The following CAMK4 variants were observed in gnomAD, a reference collection of about 807,000 sequenced individuals.
The protein encoded by CAMK4 is calcium/calmodulin-dependent protein kinase type IV.
Under a neutral mutation model 44.9 loss-of-function variants are expected in CAMK4, and 22 were observed. That is an observed-to-expected ratio of 0.49 (90% CI 0.35 to 0.70). The LOEUF is 0.70. Among genes scored for constraint, CAMK4 ranks in the 30% least tolerant of loss-of-function variants. The probability of loss-of-function intolerance (pLI) is 0.01; values close to 1 mark genes in which losing one functional copy is unlikely to be tolerated. For missense variants in CAMK4, 498 were observed against 586.8 expected (o/e 0.85, Z 1.56); for synonymous variants, 218 against 215.4 (o/e 1.01, Z -0.11).
At chr5:111,448,380 T>TC (rs1351010931) in intron 6 of CAMK4, among the ~76,000 whole-genome samples, 1 of 152,246 alleles carries the variant, frequency 6.6e-6, no homozygotes, top group Non-Finnish European at 1.5e-5. Flanking sequence ...CTATTTTTTT[T>TC]CTCCTCTCTG....
intron 1 of CAMK4, among the ~76,000 whole-genome samples, chr5:111,312,686 G>A (rs1748259002): frequency 6.6e-6 from 1 of 152,088 alleles, no homozygotes; most frequent in Admixed American, 6.6e-5. Context: ...TTTAGGTTGT[G>A]CCTTCTAAGT....
Position 111,276,001 on chromosome 5 carries a change from A to T in CAMK4, c.161+51357A>T, listed in dbSNP as rs567122569. On this transcript the variant is annotated intron_variant, in intron 1 of 10. Transcript: ENST00000282356. ...ATATATAGTCCCACCATCTTCTTGT[A>T]TCAAATATTATTGACAATTCAGTTT... 1.5e-4 allele frequency among the ~76,000 whole-genome samples: 23 copies of T among 152,296 alleles called. 1 individual carries two copies. The South Asian group carries it at 4.6e-3, about 30-fold the overall frequency.
intron 1 of CAMK4, among the ~76,000 whole-genome samples, chr5:111,226,735 C>T (rs529457316): frequency 1.2e-4 from 18 of 152,322 alleles, no homozygotes; most frequent in Admixed American, 5.9e-4. Flanking sequence ...GGTTGTTTAC[C>T]CTCCTGTGGT....
chr5:111,451,731 A>T (rs116803029), intron 7 of CAMK4, among the ~76,000 whole-genome samples: 1 of 152,082 alleles, frequency 6.6e-6, no homozygotes, highest in East Asian at 1.9e-4. Context: ...TGGTGAAAAA[A>T]AAAACAACAA....
intron 1 of CAMK4, among the ~76,000 whole-genome samples, chr5:111,336,219 AAATAT>A (rs1749395652): frequency 1.3e-5 from 2 of 151,226 alleles, no homozygotes; most frequent in African/African-American, 4.8e-5. Context: ...ATGACTCCAT[AAATAT>A]AATATCCTCT....
chr5:111,446,087 G>A (rs1754018436), intron 5 of CAMK4, among the ~76,000 whole-genome samples: 2 of 152,148 alleles, frequency 1.3e-5, no homozygotes. Context: ...TGATCTTTGA[G>A]ATTCATCTCA....
At position 111,449,135 on chromosome 5, in the gene CAMK4, T is replaced by C; in HGVS notation, c.557T>C (p.Phe186Ser). ...TTTTTTCTTGTGTTATTAGCTGATT[T>C]TGGACTCTCTAAAATTGTGGAACAT... Reference protein sequence around the residue: ...APDAPLKIADFGLSKIVEHQV... With the variant: ...APDAPLKIADSGLSKIVEHQV... The change falls in exon 7 of 11, where the codon TTT becomes TCT. Residue 186 changes from phenylalanine to serine, a missense_variant. Around this residue, in one of 3 missense-constraint regions of CAMK4, gnomAD observed 203 missense variants for 298.2 expected, o/e 0.68. Transcript: ENST00000282356. 1 of 1,531,110 alleles carries C rather than the reference T, an allele frequency of 6.5e-7. No individual in the cohort carries two copies. The highest frequency in any genetic ancestry group is 9.0e-7 in the Non-Finnish European group (1 of 1,108,036). The allele number at this position is 1,531,110 out of a possible 1,614,324, so 94.8% of individuals were successfully genotyped here.
At chr5:111,401,361 T>C (rs306094) in intron 5 of CAMK4, among the ~76,000 whole-genome samples, 1 of 151,922 alleles carries the variant, frequency 6.6e-6, no homozygotes, top group Non-Finnish European at 1.5e-5. Context: ...CTGTCAGTAC[T>C]GCATTTCTTC....
intron 3 of CAMK4, among the ~76,000 whole-genome samples, chr5:111,375,945 T>C (rs1751197759): frequency 6.6e-6 from 1 of 152,078 alleles, no homozygotes; most frequent in East Asian, 1.9e-4. Context: ...TCTCAGAAAC[T>C]ATGGCAGTGG....
Position 111,364,529 on chromosome 5 carries a change from T to G in CAMK4, c.241-10321T>G, listed in dbSNP as rs1455721420. ...AGCACATAGGTTTGTATTTAGAATC[T>G]AAGAATGAAGGGAGAGAGGTAACTC... On this transcript the variant is annotated intron_variant, in intron 2 of 10. Transcript: ENST00000282356. Among the ~76,000 whole-genome samples the G allele has an allele frequency of 8.5e-5, 13 of 152,232 alleles. No individual in the cohort carries two copies. In the East Asian group the frequency reaches 2.3e-3, roughly 27 times the overall value.
At chr5:111,428,222 A>G (rs1753302255) in intron 5 of CAMK4, among the ~76,000 whole-genome samples, 1 of 152,242 alleles carries the variant, frequency 6.6e-6, no homozygotes, top group Non-Finnish European at 1.5e-5. Context: ...TCACTACACC[A>G]CGTCCTTTCA....
At chr5:111,467,625 G>A (rs576132342) in intron 7 of CAMK4, among the ~76,000 whole-genome samples, 3 of 152,152 alleles carry the variant, frequency 2.0e-5, no homozygotes, top group Non-Finnish European at 4.4e-5. Flanking sequence ...TAATGATCAG[G>A]GAATTGCAAA....
intron 5 of CAMK4, among the ~76,000 whole-genome samples, chr5:111,426,733 T>A (rs1429431687): frequency 6.6e-6 from 1 of 152,160 alleles, no homozygotes; most frequent in Non-Finnish European, 1.5e-5. Context: ...CTGAACTCAG[T>A]GCTGTCCTGT....
chr5:111,379,195 A>G (rs537318535), intron 4 of CAMK4, among the ~76,000 whole-genome samples: 17 of 152,272 alleles, frequency 1.1e-4, no homozygotes, highest in Middle Eastern at 3.4e-3. Flanking sequence ...TGAAGCAATC[A>G]TCTACTAATA....
intron 5 of CAMK4, among the ~76,000 whole-genome samples, chr5:111,438,483 G>A (rs912588014): frequency 6.6e-6 from 1 of 152,096 alleles, no homozygotes. Flanking sequence ...TGAAATGCCT[G>A]CCACTTAGAG....
At chr5:111,312,559 G>A (rs367982169) in intron 1 of CAMK4, among the ~76,000 whole-genome samples, 7 of 152,270 alleles carry the variant, frequency 4.6e-5, no homozygotes, top group African/African-American at 1.4e-4. Flanking sequence ...GACTCAGTCA[G>A]TGTATCTAGA....
intron 5 of CAMK4, among the ~76,000 whole-genome samples, chr5:111,415,210 A>G (rs968881872): frequency 7.9e-5 from 12 of 152,288 alleles, no homozygotes; most frequent in South Asian, 6.2e-4. Flanking sequence ...GAGTAGCCCA[A>G]TGAAATTTTG....
chr5:111,231,352 C>T (rs1748466466), intron 1 of CAMK4, among the ~76,000 whole-genome samples: 1 of 152,152 alleles, frequency 6.6e-6, no homozygotes, highest in Non-Finnish European at 1.5e-5. Context: ...CCAGGAAATT[C>T]CTTGTTGTGG....
chr5:111,257,266 A>G (rs143362199), intron 1 of CAMK4, among the ~76,000 whole-genome samples: 1 of 152,388 alleles, frequency 6.6e-6, no homozygotes, highest in African/African-American at 2.4e-5. Context: ...ACAAAGGTCT[A>G]ATATCCACAA....
Sources: allele counts gnomAD v4.1 joint callset (sites outside exome capture counted in the v4.1 genomes callset), GRCh38; gene constraint gnomAD v4.1.1; regional missense constraint gnomAD v4.1.1; transcripts MANE v1.5; gene names NCBI Gene and HGNC (gene_info 2026-07-23, HGNC 2026-07-21).